Variants in HIP1 observed in about 807,000 individuals in gnomAD.
The protein encoded by HIP1 is huntingtin interacting protein 1, also known as huntingtin-interacting protein 1.
A neutral mutation model predicts 147.6 loss-of-function variants in HIP1; 65 were observed. That is an observed-to-expected ratio of 0.44 (90% CI 0.36 to 0.54). The LOEUF is 0.54. Among genes scored for constraint, HIP1 ranks in the 20% least tolerant of loss-of-function variants. The pLI is 0.00. For missense variants in HIP1, 1,061 were observed against 1,299.6 expected (o/e 0.82, Z 2.82); for synonymous variants, 479 against 504.0 (o/e 0.95, Z 0.67).
At chr7:75,651,652 C>T (rs1454917807) in intron 1 of HIP1, among the ~76,000 whole-genome samples, 8 of 151,876 alleles carry the variant, frequency 5.3e-5, no homozygotes, top group African/African-American at 1.5e-4. Flanking sequence ...AGGCCCTGGG[C>T]GGCAACCCTG....
At chr7:75,713,419 G>T (rs1253127098) in intron 1 of HIP1, among the ~76,000 whole-genome samples, 2 of 152,160 alleles carry the variant, frequency 1.3e-5, no homozygotes, top group Admixed American at 1.3e-4. Flanking sequence ...ACTGCGACAG[G>T]GGGAGGCAGA....
chr7:75,645,677 A>G lies in HIP1; in HGVS notation c.121-46430T>C, dbSNP rs186983676. ...AAGCACTATTCACAATAGTAAAGAC[A>G]TGGCATCAACCCAGGTGCCCATCAA... On this transcript the variant is annotated intron_variant, in intron 1 of 30. Transcript: ENST00000336926. 2.6e-5 allele frequency among the ~76,000 whole-genome samples: 4 copies of G among 152,316 alleles called. 1 individual carries two copies. Among genetic ancestry groups the G allele is most frequent in the South Asian group, 4.1e-4 (2 of 4,822 alleles).
intron 1 of HIP1, among the ~76,000 whole-genome samples, chr7:75,723,052 T>A (rs1554521860): frequency 6.6e-6 from 1 of 152,130 alleles, no homozygotes; most frequent in East Asian, 1.9e-4. Flanking sequence ...TTACCTGTTA[T>A]CCTGTATTCA....
intron 1 of HIP1, among the ~76,000 whole-genome samples, chr7:75,600,942 G>A (rs782120983): frequency 1.3e-5 from 2 of 151,692 alleles, no homozygotes; most frequent in East Asian, 3.9e-4. Flanking sequence ...ATTTTTGGTA[G>A]AGACGGGGTC....
intron 1 of HIP1, among the ~76,000 whole-genome samples, chr7:75,620,791 C>G (rs1054249294): frequency 2.0e-5 from 3 of 151,902 alleles, no homozygotes; most frequent in Non-Finnish European, 4.4e-5. Flanking sequence ...GCAGGGGAGA[C>G]AAGCAGTAAA....
At chr7:75,544,186 A>AG (rs1169256790) in intron 27 of HIP1, among the ~76,000 whole-genome samples, 3 of 151,810 alleles carry the variant, frequency 2.0e-5, no homozygotes, top group Admixed American at 2.0e-4. Flanking sequence ...AAAAAAAAAA[A>AG]AAAAGCCTCT....
intron 4 of HIP1, among the ~76,000 whole-genome samples, chr7:75,588,362 G>C (rs1796358577): frequency 6.6e-6 from 1 of 152,150 alleles, no homozygotes; most frequent in African/African-American, 2.4e-5. Flanking sequence ...ACGGAGGACA[G>C]AAACAAATCT....
chr7:75,648,329 G>A (rs1407142071), intron 1 of HIP1, among the ~76,000 whole-genome samples: 1 of 151,946 alleles, frequency 6.6e-6, no homozygotes, highest in East Asian at 1.9e-4. Context: ...GCTGGGGCTG[G>A]TTGGAGTAGA....
chr7:75,664,901 G>A (rs782415655), intron 1 of HIP1, among the ~76,000 whole-genome samples: 17 of 152,096 alleles, frequency 1.1e-4, no homozygotes, highest in African/African-American at 1.9e-4. Flanking sequence ...GATTACGGGC[G>A]TGAGCCATCA....
At chr7:75,546,880 G>A in intron 25 of HIP1, 59 bp downstream of exon 25, 1 of 1,190,434 alleles carries the variant, frequency 8.4e-7, no homozygotes, top group Non-Finnish European at 1.2e-6. Context: ...GAGTCCGTTG[G>A]AGCGGGAGTC....
At chr7:75,564,789 G>C (rs142634415) in intron 9 of HIP1, among the ~76,000 whole-genome samples, 37 of 151,954 alleles carry the variant, frequency 2.4e-4, no homozygotes, top group African/African-American at 8.9e-4. Flanking sequence ...ATAAAGATGG[G>C]GTCTCTCTAT....
intron 9 of HIP1, among the ~76,000 whole-genome samples, chr7:75,566,855 C>T (rs958368462): frequency 1.3e-5 from 2 of 151,328 alleles, no homozygotes; most frequent in African/African-American, 4.9e-5. Flanking sequence ...GGCACAGTGA[C>T]TCGCGCCGGT....
chr7:75,611,457 ACT>A (rs199925111), intron 1 of HIP1, among the ~76,000 whole-genome samples: 10,751 of 134,252 alleles, frequency 0.08, 722 homozygotes, highest in Admixed American at 0.18. Flanking sequence ...ACAGAGTGAG[ACT>A]CTGTCTCAAA....
intron 22 of HIP1, among the ~76,000 whole-genome samples, chr7:75,550,526 C>T (rs1794743121): frequency 6.6e-6 from 1 of 152,142 alleles, no homozygotes; most frequent in Non-Finnish European, 1.5e-5. Context: ...ATCCTCCCTG[C>T]CTCAGCCTCC....
chr7:75,709,886 T>C (rs78093122), intron 1 of HIP1, among the ~76,000 whole-genome samples: 1,904 of 152,162 alleles, frequency 0.013, 24 homozygotes, highest in Middle Eastern at 0.051. Flanking sequence ...TGTTTTTTTG[T>C]TTCTTTGTTT....
chr7:75,539,493 AT>A, intron 29 of HIP1, 62 bp from the exon 30 acceptor site: 4 of 1,341,928 alleles, frequency 3.0e-6, no homozygotes, highest in Non-Finnish European at 4.2e-6. Context: ...ATTTTTATTT[AT>A]TTTTTTATAG....
chr7:75,553,373 C>T (rs1246181247), intron 22 of HIP1, 80 bp downstream of exon 22: 2 of 1,509,212 alleles, frequency 1.3e-6, no homozygotes, highest in Non-Finnish European at 1.8e-6. Flanking sequence ...TAGCTCAGAA[C>T]ATCACCGATT....
At chr7:75,649,813 C>T (rs1554511684) in intron 1 of HIP1, among the ~76,000 whole-genome samples, 4 of 152,170 alleles carry the variant, frequency 2.6e-5, no homozygotes, top group African/African-American at 9.7e-5. Context: ...GGGGAATTTC[C>T]AAGCTCCCAC....
At chr7:75,669,506 C>T (rs1199299142) in intron 1 of HIP1, among the ~76,000 whole-genome samples, 5 of 152,102 alleles carry the variant, frequency 3.3e-5, no homozygotes, top group African/African-American at 1.2e-4. Flanking sequence ...AGGTTGCAGT[C>T]AGCCAAGCTT....
Sources: allele counts gnomAD v4.1 joint callset (sites outside exome capture counted in the v4.1 genomes callset), GRCh38; gene constraint gnomAD v4.1.1; transcripts MANE v1.5; gene names NCBI Gene and HGNC (gene_info 2026-07-23, HGNC 2026-07-21).